Variants in SV2B observed in about 807,000 individuals in gnomAD.
The protein encoded by SV2B is synaptic vesicle glycoprotein 2B.
A neutral mutation model predicts 73.9 loss-of-function variants in SV2B; 41 were observed. That is an observed-to-expected ratio of 0.56 (90% confidence interval 0.43 to 0.72). The LOEUF is 0.72. Among genes scored for constraint, SV2B ranks in the 30% least tolerant of loss-of-function variants. The pLI is 0.00. For synonymous variants in SV2B, 314 were observed against 314.2 expected (o/e 1.00, Z 0.01); for missense variants, 764 against 857.8 (o/e 0.89, Z 1.37).
intron 1 of SV2B, among the ~76,000 whole-genome samples, chr15:91,177,451 G>A (rs2044358952): frequency 6.6e-6 from 1 of 151,376 alleles, no homozygotes; most frequent in Non-Finnish European, 1.5e-5. Context: ...AGCTTGATGG[G>A]GATGGCATTG....
intron 1 of SV2B, chr15:91,102,260 G>A (rs546539456): frequency 6.6e-6 from 1 of 152,286 alleles, no homozygotes; most frequent in South Asian, 2.1e-4. Flanking sequence ...TCATCATTAA[G>A]GTATTTGAAA....
At chr15:91,246,849 C>T (rs1281271936) in intron 2 of SV2B, among the ~76,000 whole-genome samples, 6 of 152,106 alleles carry the variant, frequency 3.9e-5, no homozygotes, top group South Asian at 2.1e-4. Context: ...AATATGCCAC[C>T]GAGCTTGTTG....
chr15:91,187,034 C>G (rs2044799387), intron 1 of SV2B, among the ~76,000 whole-genome samples: 1 of 152,136 alleles, frequency 6.6e-6, no homozygotes, highest in African/African-American at 2.4e-5. Context: ...TGAACATGCT[C>G]CATTCTTATC....
chr15:91,282,818 T>C (rs575428239), intron 10 of SV2B, among the ~76,000 whole-genome samples: 1 of 152,360 alleles, frequency 6.6e-6, no homozygotes, highest in East Asian at 1.9e-4. Context: ...TCTCTAAATA[T>C]TCTGGAGTCT....
chr15:91,199,758 G>T (rs192654372), intron 1 of SV2B, among the ~76,000 whole-genome samples: 2 of 152,324 alleles, frequency 1.3e-5, no homozygotes, highest in Admixed American at 6.5e-5. Flanking sequence ...ATTTTTGGAC[G>T]CACACAGCGG....
rs181617693 is a variant in SV2B at position 91,266,538 on chromosome 15, C to G, written c.1009-44C>G. On this transcript the variant is annotated intron_variant, in intron 6 of 12. Transcript: ENST00000394232. ...AAACTACACATTGAAAACTCTGACACAAAGTGGGGTTCAAATTCTCTATAT... is the reference window on the plus strand; with the variant it reads ...AAACTACACATTGAAAACTCTGACAGAAAGTGGGGTTCAAATTCTCTATAT... 5.3e-5 allele frequency: 77 copies of G among 1,466,422 alleles called. No homozygotes were observed. The African/African-American group carries it at 1.0e-3, about 19-fold the overall frequency. 90.8% of individuals were successfully genotyped at this position (1,466,422 alleles called of 1,614,324 possible).
chr15:91,228,782 C>G (rs1050691773), intron 2 of SV2B, among the ~76,000 whole-genome samples: 9 of 152,244 alleles, frequency 5.9e-5, no homozygotes, highest in African/African-American at 2.2e-4. Flanking sequence ...AGATGGACTT[C>G]CTATGCACTC....
chr15:91,102,612 G>C (rs1866850740), intron 1 of SV2B, among the ~76,000 whole-genome samples: 1 of 152,172 alleles, frequency 6.6e-6, no homozygotes, highest in Non-Finnish European at 1.5e-5. Flanking sequence ...TAATGAGAGA[G>C]TGTGTGTATG....
Position 91,123,011 on chromosome 15 carries a change from C to T in SV2B, c.-392+22648C>T, listed in dbSNP as rs180784857. Among the ~76,000 whole-genome samples, 126 of 152,316 alleles carry T rather than the reference C, an allele frequency of 8.3e-4. No homozygotes were observed. The highest frequency in any genetic ancestry group is 9.7e-4 in the Non-Finnish European group (66 of 68,018). On this transcript the variant is annotated intron_variant, in intron 1 of 12. Transcript: ENST00000394232. This position sits in a 1 kb window ranked among gnomAD's most constrained non-coding sequence, Gnocchi z 4.7. ...GCTGGTCAGGTGTGCTGACTCACTC[C>T]TGTAATCCCAACACTTTGGGAGGCT...
At chr15:91,169,329 C>G (rs1000123240) in intron 1 of SV2B, among the ~76,000 whole-genome samples, 1 of 152,274 alleles carries the variant, frequency 6.6e-6, no homozygotes, top group Non-Finnish European at 1.5e-5. Flanking sequence ...CTATTTCACT[C>G]TCCTGCATGT....
At position 91,226,733 on chromosome 15, in the gene SV2B, T is replaced by C. The variant is rs768851982; in HGVS notation, c.451+19T>C. Reference sequence around the variant, plus strand: ...ATGCTAGGTAAGTGGAAATTTCCAATGATCCCTCCAATGAAAGGGAAGGAG... The same window carrying C: ...ATGCTAGGTAAGTGGAAATTTCCAACGATCCCTCCAATGAAAGGGAAGGAG... On this transcript the variant is annotated intron_variant, in intron 2 of 12. Coordinates refer to ENST00000394232, the MANE Select transcript of SV2B (RefSeq NM_001323032.3). 4 of 1,595,642 alleles carry C rather than the reference T, an allele frequency of 2.5e-6. No individual in the cohort carries two copies. The highest frequency in any genetic ancestry group is 2.2e-5 in the East Asian group (1 of 44,834).
Position 91,302,469 on chromosome 15 carries a change from T to C in SV2B, c.*9917T>C, listed in dbSNP as rs1439434171. On this transcript the variant is annotated 3_prime_UTR_variant, in exon 13 of 13. Transcript: ENST00000394232. Reference sequence around the variant, plus strand: ...GCTAACTGGTATGGAAGCATTTCGGTATTTTAACAAGTATGAAAGTAGCTA... The same window carrying C: ...GCTAACTGGTATGGAAGCATTTCGGCATTTTAACAAGTATGAAAGTAGCTA... Among the ~76,000 whole-genome samples, 2 of 152,142 alleles carry C rather than the reference T, an allele frequency of 1.3e-5. No homozygotes were observed. Among genetic ancestry groups the C allele is most frequent in the Non-Finnish European group, 2.9e-5 (2 of 68,028 alleles).
chr15:91,226,627 G>A lies in SV2B; in HGVS notation c.364G>A (p.Asp122Asn), dbSNP rs774422650. The change falls in exon 2 of 13, where the codon GAT (aspartate) becomes AAT (asparagine). Residue 122 changes from aspartate (D) to asparagine (N), a missense_variant. Transcript: ENST00000394232. ...CGTCTTGGGTTTGGCCCTGATGGCC[G>A]ATGGGGTGGAAGTGTTCGTGGTGAG... ...FFVLGLALMA[D>N]GVEVFVVSFA... 3.7e-6 allele frequency: 6 copies of A among 1,614,048 alleles called. No homozygotes were observed. Among genetic ancestry groups the A allele is most frequent in the Admixed American group, 1.7e-5 (1 of 60,004 alleles).
At chr15:91,162,250 C>T (rs1225960026) in intron 1 of SV2B, among the ~76,000 whole-genome samples, 2 of 152,080 alleles carry the variant, frequency 1.3e-5, no homozygotes, top group Admixed American at 1.3e-4. Flanking sequence ...AGTAATCTTT[C>T]TTCCAGAAAA....
At chr15:91,181,533 G>C (rs1049589768) in intron 1 of SV2B, among the ~76,000 whole-genome samples, 1 of 151,778 alleles carries the variant, frequency 6.6e-6, no homozygotes, top group Non-Finnish European at 1.5e-5. Context: ...ATTCAACCAT[G>C]ACTCCTACAT....
intron 1 of SV2B, among the ~76,000 whole-genome samples, chr15:91,155,777 C>A (rs1642625550): frequency 6.6e-6 from 1 of 152,072 alleles, no homozygotes; most frequent in South Asian, 2.1e-4. Context: ...AGCCATTTGA[C>A]AAAACTAGAA....
At chr15:91,170,382 G>A (rs974171620) in intron 1 of SV2B, among the ~76,000 whole-genome samples, 1 of 152,142 alleles carries the variant, frequency 6.6e-6, no homozygotes, top group African/African-American at 2.4e-5. Context: ...CCACCTCCCG[G>A]GTTCAAGTGA....
intron 9 of SV2B, among the ~76,000 whole-genome samples, chr15:91,274,551 C>T (rs1481235468): frequency 6.6e-6 from 1 of 152,120 alleles, no homozygotes; most frequent in Non-Finnish European, 1.5e-5. Context: ...AAAAGTTTTA[C>T]AATTTATCAG....
intron 1 of SV2B, among the ~76,000 whole-genome samples, chr15:91,168,342 C>T (rs2043995423): frequency 9.5e-6 from 1 of 105,676 alleles, no homozygotes; most frequent in Non-Finnish European, 2.1e-5. Context: ...AAAGAAATTT[C>T]TCACACACTC....
Sources: gnomAD v4.1 joint callset for allele counts (sites outside exome capture counted in the v4.1 genomes callset) on GRCh38, gnomAD v4.1.1 for gene constraint, Gnocchi (gnomAD v3.1) non-coding constraint, MANE v1.5 for transcripts, NCBI Gene and HGNC (gene_info 2026-07-23, HGNC 2026-07-21) for gene names.